SNX29: variants seen among roughly 807,000 people sequenced by gnomAD.
SNX29 encodes the protein sorting nexin-29.
Under a neutral mutation model 102.1 loss-of-function variants are expected in SNX29, and 78 were observed. That is an observed-to-expected ratio of 0.76 (90% CI 0.64 to 0.92). The LOEUF is 0.92. SNX29 is among the 40% of genes least tolerant of loss of function. SNX29 has a pLI of 0.00. For synonymous variants in SNX29, 580 were observed against 414.5 expected (o/e 1.40, Z -4.85); for missense variants, 1,280 against 1,061.7 (o/e 1.21, Z -2.86).
intron 13 of SNX29, among the ~76,000 whole-genome samples, chr16:12,131,104 G>A (rs746049818): frequency 1.3e-5 from 2 of 152,262 alleles, no homozygotes; most frequent in South Asian, 2.1e-4. Context: ...TGAGCCGCAT[G>A]TTCTGCAGCA....
Position 12,052,223 on chromosome 16 carries a change from G to T in SNX29, c.1124+1G>T, listed in dbSNP as rs775531686. Reference sequence around the variant, plus strand: ...GGGGCCACTCGGAGTCGCCCGAGAAGTAAGTTTGTGTGTAAGGTGGAGTCT... The same window carrying T: ...GGGGCCACTCGGAGTCGCCCGAGAATTAAGTTTGTGTGTAAGGTGGAGTCT... On this transcript the variant is annotated splice_donor_variant, in intron 8 of 20. Coordinates refer to ENST00000566228, the MANE Select transcript of SNX29 (RefSeq NM_032167.5). LOFTEE classifies it high-confidence loss of function. 3 of 1,613,770 alleles carry T rather than the reference G, an allele frequency of 1.9e-6. No homozygotes were observed. Among genetic ancestry groups the T allele is most frequent in the Non-Finnish European group, 2.5e-6 (3 of 1,179,810 alleles).
At chr16:12,097,975 C>T (rs940565825) in intron 11 of SNX29, among the ~76,000 whole-genome samples, 9 of 152,222 alleles carry the variant, frequency 5.9e-5, no homozygotes, top group Middle Eastern at 3.2e-3. Context: ...GAGGAGAGCA[C>T]CCCAGGCTCC....
intron 3 of SNX29, among the ~76,000 whole-genome samples, chr16:12,013,497 AAAAATATATATATATATATATATATAT>A (rs2056731315): frequency 4.7e-5 from 3 of 63,324 alleles, no homozygotes; most frequent in African/African-American, 2.3e-4. Flanking sequence ...GGAAAAAAAA[AAAAATATATATATATATATATATATAT>A]ATATATATAT....
intron 16 of SNX29, among the ~76,000 whole-genome samples, chr16:12,394,271 G>T (rs577462097): frequency 3.5e-4 from 53 of 152,174 alleles, no homozygotes; most frequent in African/African-American, 1.2e-3. Context: ...TATGAATTTG[G>T]GTTACTTGAT....
At chr16:12,517,502 T>G (rs1205948354) in intron 19 of SNX29, among the ~76,000 whole-genome samples, 1 of 152,194 alleles carries the variant, frequency 6.6e-6, no homozygotes, top group African/African-American at 2.4e-5. Context: ...CTTTGTTCTC[T>G]CTCTCTGGAC....
intron 20 of SNX29, among the ~76,000 whole-genome samples, chr16:12,556,891 C>T (rs914090908): frequency 1.3e-5 from 2 of 148,336 alleles, no homozygotes; most frequent in Non-Finnish European, 2.9e-5. Context: ...CTCCGTCTGT[C>T]TCCTCACCTT....
At chr16:12,545,900 G>A (rs1401121472) in intron 20 of SNX29, among the ~76,000 whole-genome samples, 3 of 152,134 alleles carry the variant, frequency 2.0e-5, no homozygotes, top group South Asian at 2.1e-4. Flanking sequence ...TGGGGTACCT[G>A]GAGCATTCTA....
chr16:12,126,834 TG>T, intron 12 of SNX29, 138 bp downstream of exon 12: 1 of 839,382 alleles, frequency 1.2e-6, no homozygotes, highest in South Asian at 1.7e-5. Context: ...GTCAGGGATA[TG>T]CCACTGTGGT....
chr16:12,138,084 CTG>C (rs2054727828), intron 13 of SNX29, among the ~76,000 whole-genome samples: 1 of 152,106 alleles, frequency 6.6e-6, no homozygotes. Context: ...GGTAGCAAGC[CTG>C]CCAAGAATTT....
intron 15 of SNX29, among the ~76,000 whole-genome samples, chr16:12,345,169 C>T (rs530076464): frequency 3.0e-4 from 45 of 152,184 alleles, no homozygotes; most frequent in Non-Finnish European, 6.0e-4. Flanking sequence ...CTGTGCTCTG[C>T]GCTAGAGCTG....
At chr16:12,527,312 C>G (rs1299356068) in intron 20 of SNX29, 2 of 531,692 alleles carry the variant, frequency 3.8e-6, no homozygotes, top group East Asian at 4.0e-5. Context: ...AGCAGCGAGA[C>G]TGCTGTCTCA....
chr16:12,191,294 AG>A (rs1251624669), intron 13 of SNX29, among the ~76,000 whole-genome samples: 1 of 152,140 alleles, frequency 6.6e-6, no homozygotes, highest in African/African-American at 2.4e-5. Context: ...GGTTCCTGAC[AG>A]CCACGGTGAT....
At chr16:12,338,196 T>C (rs1380221694) in intron 15 of SNX29, among the ~76,000 whole-genome samples, 1 of 152,210 alleles carries the variant, frequency 6.6e-6, no homozygotes, top group Non-Finnish European at 1.5e-5. Context: ...CTCTGCAGTT[T>C]GCCGAAACCA....
chr16:12,552,038 G>C (rs1479971187), intron 20 of SNX29, among the ~76,000 whole-genome samples: 1 of 152,002 alleles, frequency 6.6e-6, no homozygotes, highest in South Asian at 2.1e-4. Context: ...TCCAGGCTCA[G>C]ATGGGAAGGA....
At chr16:12,224,714 G>A (rs2077565756) in intron 14 of SNX29, among the ~76,000 whole-genome samples, 1 of 152,214 alleles carries the variant, frequency 6.6e-6, no homozygotes, top group South Asian at 2.1e-4. Flanking sequence ...CTAGGCAAGG[G>A]TTTGTTTTTT....
intron 20 of SNX29, among the ~76,000 whole-genome samples, chr16:12,545,045 C>T (rs765382318): frequency 1.3e-5 from 2 of 150,862 alleles, no homozygotes; most frequent in African/African-American, 2.5e-5. Context: ...GTCTGTGATG[C>T]CCTGCTCCTG....
chr16:12,563,155 G>T (rs867150529), intron 20 of SNX29, among the ~76,000 whole-genome samples: 1 of 151,904 alleles, frequency 6.6e-6, no homozygotes. Context: ...CAGCTCCAGG[G>T]GGGGCAACTC....
chr16:12,242,660 C>T (rs1207043295), intron 14 of SNX29, among the ~76,000 whole-genome samples: 2 of 143,354 alleles, frequency 1.4e-5, no homozygotes, highest in East Asian at 2.0e-4. Context: ...CTTCTCTTCT[C>T]TTTTTTTTTT....
chr16:12,392,689 T>G (rs1304153112), intron 16 of SNX29, among the ~76,000 whole-genome samples: 1 of 152,206 alleles, frequency 6.6e-6, no homozygotes, highest in East Asian at 1.9e-4. Context: ...TCTTTAAAGC[T>G]CTTATTTGCC....
Sources: allele counts gnomAD v4.1 joint callset (sites outside exome capture counted in the v4.1 genomes callset), GRCh38; gene constraint gnomAD v4.1.1; transcripts MANE v1.5; gene names NCBI Gene and HGNC (gene_info 2026-07-23, HGNC 2026-07-21).